PAK1IP1: variants seen among roughly 807,000 people sequenced by gnomAD.
PAK1IP1 encodes the protein PAK1 interacting protein 1.
A neutral mutation model predicts 42.0 loss-of-function variants in PAK1IP1; 24 were observed. The observed-to-expected ratio is 0.57, with a 90% confidence interval of 0.41 to 0.80. PAK1IP1 has a LOEUF of 0.80. Among genes scored for constraint, PAK1IP1 ranks in the 30% least tolerant of loss-of-function variants. PAK1IP1 has a pLI of 0.00. For missense variants in PAK1IP1, 411 were observed against 467.9 expected, an observed-to-expected ratio of 0.88 and a Z score of 1.12; for synonymous variants, 154 against 156.7, an observed-to-expected ratio of 0.98 and a Z score of 0.13.
At chr6:10,707,180 C>G (rs887103957) in intron 7 of PAK1IP1, among the ~76,000 whole-genome samples, 7 of 152,150 alleles carry the variant, frequency 4.6e-5, no homozygotes, top group Non-Finnish European at 8.8e-5. Flanking sequence ...TATCTGTTTT[C>G]TTTTCAACTT....
At chr6:10,699,200 CAAAA>C (rs796680429) in intron 2 of PAK1IP1, among the ~76,000 whole-genome samples, 5 of 55,404 alleles carry the variant, frequency 9.0e-5, no homozygotes, top group South Asian at 6.5e-4. Flanking sequence ...GACTCTGTCT[CAAAA>C]AAAAAAAAAA....
At chr6:10,695,543 C>A (rs1376729847) in intron 1 of PAK1IP1, among the ~76,000 whole-genome samples, 1 of 152,100 alleles carries the variant, frequency 6.6e-6, no homozygotes, top group Non-Finnish European at 1.5e-5. Flanking sequence ...TGCAAAGATG[C>A]TGGAGGTATG....
Position 10,702,639 on chromosome 6 carries a change from G to A in PAK1IP1, c.443G>A (p.Arg148Lys). The part of the protein sequence containing the change: ...ALSVGTDKTL[R>K]TWNLVEGRSA... ...TCGGTTGGTACAGATAAAACTTTAA[G>A]GTAAGTCATTAATGCTCAAGAGCAT... The change falls in exon 4 of 10, where the codon AGA becomes AAA. Residue 148 changes from arginine (R) to lysine (K), a missense_variant and splice_region_variant. Physicochemically the swap from Arg to Lys is conservative, Grantham distance 26. Transcript: ENST00000379568. 6.9e-6 allele frequency: 11 copies of A among 1,604,754 alleles called. No individual in the cohort carries two copies. Among genetic ancestry groups the A allele is most frequent in the Non-Finnish European group, 9.4e-6 (11 of 1,171,846 alleles).
At position 10,709,197 on chromosome 6, in the gene PAK1IP1, A is replaced by G. The variant is rs998325778; in HGVS notation, c.965-41A>G. ...CTTGTGTTTATTTCATTCAAAGGGG[A>G]AAACAGTCTTTTTTTAAAAGCACTC... On this transcript the variant is annotated intron_variant, in intron 9 of 9. Coordinates refer to ENST00000379568, the MANE Select transcript of PAK1IP1 (RefSeq NM_017906.3). 5.1e-6 allele frequency: 8 copies of G among 1,557,546 alleles called. No homozygotes were observed. In the African/African-American group the frequency reaches 1.1e-4, roughly 21 times the overall value.
chr6:10,704,254 G>A lies in PAK1IP1; in HGVS notation c.497-253G>A, dbSNP rs1315909139. 2.0e-5 allele frequency among the ~76,000 whole-genome samples: 3 copies of A among 152,086 alleles called. No homozygotes were observed. In the East Asian group the frequency reaches 5.8e-4, roughly 29 times the overall value. ...TTGCCAGGCTGGTCTCAAACTCCTGGCCTTAAGTGATCCACCCACCTTGGC... is the reference window on the plus strand; with the variant it reads ...TTGCCAGGCTGGTCTCAAACTCCTGACCTTAAGTGATCCACCCACCTTGGC... On this transcript the variant is annotated intron_variant, in intron 5 of 9. Transcript: ENST00000379568.
chr6:10,697,474 G>A lies in PAK1IP1; in HGVS notation c.235G>A (p.Val79Met), dbSNP rs1339292795. Residue 79 changes from valine to methionine, a missense_variant, in exon 2 of 10, where the codon GTG becomes ATG. By Grantham distance (21) the Val-to-Met change is conservative. Transcript: ENST00000379568. Reference protein sequence around the residue: ...MKKKIEHGALVHHSGTITCLK... With the variant: ...MKKKIEHGALMHHSGTITCLK... Reference sequence around the variant, plus strand: ...AAAGAAGATTGAGCATGGGGCTCTAGTGCATCACAGTGGTAAGAAAATTGT... The same window carrying A: ...AAAGAAGATTGAGCATGGGGCTCTAATGCATCACAGTGGTAAGAAAATTGT... The A allele has an allele frequency of 6.2e-7, 1 of 1,612,102 alleles. No homozygotes were observed. The highest frequency in any genetic ancestry group is 2.2e-5 in the East Asian group (1 of 44,852).
chr6:10,692,799 C>G (rs750022617), upstream of PAK1IP1, among the ~76,000 whole-genome samples: 10 of 152,160 alleles, frequency 6.6e-5, no homozygotes, highest in Non-Finnish European at 1.3e-4. Context: ...GCTGGGATTA[C>G]AGGAGTGAGC....
At chr6:10,691,960 A>C (rs1769352822), upstream of PAK1IP1, among the ~76,000 whole-genome samples, 1 of 152,236 alleles carries the variant, frequency 6.6e-6, no homozygotes, top group Non-Finnish European at 1.5e-5. Context: ...TAAGCAAGTA[A>C]AAGTGTGACA....
Position 10,703,456 on chromosome 6 carries a change from AAGTG to A in PAK1IP1, c.496+3_496+6del. 1.9e-6 allele frequency: 3 copies of A among 1,596,094 alleles called. No individual in the cohort carries two copies. Among genetic ancestry groups the A allele is most frequent in the Non-Finnish European group, 2.6e-6 (3 of 1,165,082 alleles). Reference sequence around the variant, plus strand: ...CAGCATTCATAAAAAATATAAAACAAAGTGAGTATTTTTGTTTGAAATGCAGGTT... The same window carrying A: ...CAGCATTCATAAAAAATATAAAACAAAGTATTTTTGTTTGAAATGCAGGTT... On this transcript the variant is annotated splice_donor_variant and splice_donor_region_variant and coding_sequence_variant and intron_variant, in exon 5 of 10. Coordinates refer to ENST00000379568, the MANE Select transcript of PAK1IP1 (RefSeq NM_017906.3). LOFTEE classifies it high-confidence loss of function.
Position 10,709,322 on chromosome 6 carries a change from A to G in PAK1IP1, c.1049A>G (p.Lys350Arg). The G allele has an allele frequency of 6.2e-7, 1 of 1,614,142 alleles. No individual in the cohort carries two copies. Among genetic ancestry groups the G allele is most frequent in the Non-Finnish European group, 8.5e-7 (1 of 1,180,000 alleles). ...GAAAAGCGGTCAAAACCTAACACAAAGAAACGCGGTTTAACAGGTGACAGT... is the reference window on the plus strand; with the variant it reads ...GAAAAGCGGTCAAAACCTAACACAAGGAAACGCGGTTTAACAGGTGACAGT... Reference protein sequence around the residue: ...KEEKRSKPNTKKRGLTGDSKK... With the variant: ...KEEKRSKPNTRKRGLTGDSKK... The change falls in exon 10 of 10, where the codon AAG (lysine) becomes AGG (arginine). Residue 350 changes from lysine (K) to arginine (R), a missense_variant. Physicochemically the swap from Lys to Arg is conservative, Grantham distance 26 (BLOSUM62 2). Coordinates refer to ENST00000379568, the MANE Select transcript of PAK1IP1 (RefSeq NM_017906.3).
upstream of PAK1IP1, chr6:10,694,803 G>A (rs190046540): frequency 1.2e-3 from 684 of 554,446 alleles, 2 homozygotes; most frequent in Non-Finnish European, 1.6e-3. Flanking sequence ...AAATCCATGT[G>A]ACCTCCCCGC....
rs1770288869 is a variant in PAK1IP1, at chr6:10,708,851, T to G, written c.841-102T>G. 3.1e-6 allele frequency: 3 copies of G among 953,428 alleles called. No individual in the cohort carries two copies. In the East Asian group the frequency reaches 7.4e-5, roughly 24 times the overall value. 59.1% of individuals were successfully genotyped at this position (953,428 alleles called of 1,614,324 possible). ...TATGTTGCTTCTGAATATCATATTTTGTACTCAAGAAAATACAGGAAGTTT... is the reference window on the plus strand; with the variant it reads ...TATGTTGCTTCTGAATATCATATTTGGTACTCAAGAAAATACAGGAAGTTT... On this transcript the variant is annotated intron_variant, in intron 8 of 9. Coordinates refer to ENST00000379568, the MANE Select transcript of PAK1IP1 (RefSeq NM_017906.3).
chr6:10,700,026 A>T (rs935019111), intron 2 of PAK1IP1, among the ~76,000 whole-genome samples: 1 of 151,992 alleles, frequency 6.6e-6, no homozygotes, highest in Non-Finnish European at 1.5e-5. Context: ...GAGCCAGTTT[A>T]AAAAAAGCAA....
At chr6:10,692,345 T>C (rs1304809558), upstream of PAK1IP1, among the ~76,000 whole-genome samples, 1 of 152,190 alleles carries the variant, frequency 6.6e-6, no homozygotes, top group Non-Finnish European at 1.5e-5. Flanking sequence ...AGTGGTTCTC[T>C]GGTGGAAACT....
At chr6:10,690,921 T>C (rs1769236841), upstream of PAK1IP1, among the ~76,000 whole-genome samples, 1 of 150,496 alleles carries the variant, frequency 6.6e-6, no homozygotes, top group Admixed American at 6.6e-5. Flanking sequence ...ATAATTCTCT[T>C]TTGTCTTTCT....
At chr6:10,693,010 T>G (rs1561885367), upstream of PAK1IP1, among the ~76,000 whole-genome samples, 1 of 152,242 alleles carries the variant, frequency 6.6e-6, no homozygotes, top group East Asian at 1.9e-4. Context: ...ATCATAAATG[T>G]TAGAAACAAT....
At chr6:10,703,536 G>T in intron 5 of PAK1IP1, 79 bp downstream of exon 5, 1 of 991,804 alleles carries the variant, frequency 1.0e-6, no homozygotes, top group South Asian at 1.4e-5. Context: ...GAAACTTTTT[G>T]AGCACTGATG....
upstream of PAK1IP1, among the ~76,000 whole-genome samples, chr6:10,692,480 G>A (rs896331874): frequency 6.6e-6 from 1 of 152,006 alleles, no homozygotes; most frequent in Non-Finnish European, 1.5e-5. Flanking sequence ...TCTCACTCTT[G>A]CCCACGCTGG....
At chr6:10,702,761 T>A in intron 4 of PAK1IP1, 122 bp downstream of exon 4, 1 of 703,762 alleles carries the variant, frequency 1.4e-6, no homozygotes, top group South Asian at 1.6e-5. Flanking sequence ...TCATAGTGGT[T>A]CATAGTGGTA....
Sources: allele counts gnomAD v4.1 joint callset (sites outside exome capture counted in the v4.1 genomes callset), GRCh38; gene constraint gnomAD v4.1.1; transcripts MANE v1.5; gene names NCBI Gene and HGNC (gene_info 2026-07-23, HGNC 2026-07-21).